The following SV2C variants were observed in gnomAD, a reference collection of about 807,000 sequenced individuals.
SV2C encodes the protein synaptic vesicle glycoprotein 2C.
A neutral mutation model predicts 79.7 loss-of-function variants in SV2C; 49 were observed. The ratio of observed to expected loss-of-function variants is 0.61; its 90% CI spans 0.49 to 0.78. The LOEUF is 0.78. Among genes scored for constraint, SV2C ranks in the 30% least tolerant of loss-of-function variants. The probability of loss-of-function intolerance (pLI) is 0.00; values close to 1 mark genes in which losing one functional copy is unlikely to be tolerated. For missense variants in SV2C, 833 were observed against 912.9 expected (o/e 0.91, Z 1.13); for synonymous variants, 334 against 333.2 (o/e 1.00, Z -0.03).
chr5:76,078,610 C>T (rs914454501), upstream of SV2C: 6 of 387,892 alleles, frequency 1.5e-5, no homozygotes, highest in South Asian at 1.4e-4. Flanking sequence ...GCCCCTACCC[C>T]CTGGCTCCCA....
chr5:76,236,454 C>G (rs997524184), intron 4 of SV2C, among the ~76,000 whole-genome samples: 1 of 151,912 alleles, frequency 6.6e-6, no homozygotes, highest in African/African-American at 2.4e-5. Flanking sequence ...CCCAGCTACT[C>G]GGGAAGCTTA....
intron 4 of SV2C, among the ~76,000 whole-genome samples, chr5:76,279,533 T>C (rs1229803892): frequency 1.3e-5 from 2 of 152,192 alleles, no homozygotes; most frequent in African/African-American, 2.4e-5. Flanking sequence ...AACAGTGGAA[T>C]GGACAGCTAT....
chr5:76,008,758 C>G, the SV2C span, among the ~76,000 whole-genome samples: 1 of 152,134 alleles, frequency 6.6e-6, no homozygotes, highest in East Asian at 1.9e-4. Context: ...TATTTCTGAT[C>G]ATTTCACTTA....
the SV2C span, among the ~76,000 whole-genome samples, chr5:75,968,266 C>G: frequency 4.5e-3 from 680 of 152,310 alleles, 8 homozygotes; most frequent in African/African-American, 0.015. Flanking sequence ...AAAATCAGAG[C>G]GCTTCTCCTC....
the SV2C span, among the ~76,000 whole-genome samples, chr5:75,856,384 G>A: frequency 6.6e-6 from 1 of 152,178 alleles, no homozygotes; most frequent in Non-Finnish European, 1.5e-5. Flanking sequence ...CATAGTGGTT[G>A]TAGTAATTTA....
At chr5:76,299,751 G>A (rs1747917387) in intron 10 of SV2C, among the ~76,000 whole-genome samples, 1 of 152,186 alleles carries the variant, frequency 6.6e-6, no homozygotes, top group South Asian at 2.1e-4. Context: ...TTTGAGCAAT[G>A]CTATCTACCT....
intron 1 of SV2C, among the ~76,000 whole-genome samples, chr5:76,107,566 A>G (rs9293667): frequency 0.33 from 49,901 of 152,156 alleles, 10,681 homozygotes; most frequent in African/African-American, 0.6. Context: ...AGACCCACAA[A>G]AAAGGCAATC....
rs1043978600 is a variant in SV2C, at chr5:76,176,912, G to A, written c.581-18007G>A. On this transcript the variant is annotated intron_variant, in intron 2 of 12. Coordinates refer to ENST00000502798, the MANE Select transcript of SV2C (RefSeq NM_014979.4). The stretch of plus-strand genomic sequence containing the variant: ...GGATGGATCACAAGGTCAGGAGATC[G>A]AGACCATCCTGGCTAACATGATGAA... Among the ~76,000 whole-genome samples, 9 of 152,064 alleles carry A rather than the reference G, an allele frequency of 5.9e-5. No homozygotes were observed. In the South Asian group the frequency reaches 6.2e-4, roughly 10 times the overall value.
chr5:75,954,171 T>TA, the SV2C span, among the ~76,000 whole-genome samples: 1 of 151,962 alleles, frequency 6.6e-6, no homozygotes, highest in South Asian at 2.1e-4. Context: ...CGCACTGCCT[T>TA]ATGCATTCTC....
At chr5:76,169,664 G>T (rs1033234598) in intron 2 of SV2C, among the ~76,000 whole-genome samples, 4 of 152,172 alleles carry the variant, frequency 2.6e-5, no homozygotes, top group Non-Finnish European at 4.4e-5. Flanking sequence ...CCCTTAACTG[G>T]TTCCATCACA....
chr5:76,319,101 G>A (rs913565007), intron 12 of SV2C, among the ~76,000 whole-genome samples: 18 of 152,170 alleles, frequency 1.2e-4, no homozygotes, highest in Non-Finnish European at 2.2e-4. Context: ...ATACAGCTGT[G>A]TCTCTGATGC....
rs1481885496 is a variant in SV2C at position 76,199,367 on chromosome 5, G to A, written c.761+4268G>A. 3.9e-5 allele frequency among the ~76,000 whole-genome samples: 6 copies of A among 152,062 alleles called. No homozygotes were observed. The East Asian group carries it at 7.7e-4, about 20-fold the overall frequency. ...GTGCACATAGGCCCCCGCACTCCAC[G>A]CATTTCCTAGGAGTACAGTACTTGC... On this transcript the variant is annotated intron_variant, in intron 3 of 12. Coordinates refer to ENST00000502798, the MANE Select transcript of SV2C (RefSeq NM_014979.4).
the SV2C span, among the ~76,000 whole-genome samples, chr5:76,038,262 A>T: frequency 6.6e-6 from 1 of 152,212 alleles, no homozygotes; most frequent in Non-Finnish European, 1.5e-5. Context: ...TGTAAACCAA[A>T]TGTTTAAATG....
chr5:76,003,768 G>T, the SV2C span, among the ~76,000 whole-genome samples: 14 of 152,046 alleles, frequency 9.2e-5, no homozygotes, highest in East Asian at 9.7e-4. Flanking sequence ...GGGCCATTTG[G>T]GTTAGGAGGT....
chr5:76,241,930 A>G, intron 4 of SV2C: 1 of 749,884 alleles, frequency 1.3e-6, no homozygotes, highest in Non-Finnish European at 2.3e-6. Context: ...AATAAAATAA[A>G]ACAAAATTCT....
chr5:76,205,796 AT>A (rs1744590974), intron 3 of SV2C, among the ~76,000 whole-genome samples: 2 of 152,092 alleles, frequency 1.3e-5, no homozygotes, highest in African/African-American at 2.4e-5. Context: ...CGCTATTAAT[AT>A]TTTGGACTGG....
chr5:76,192,610 G>C (rs1013226145), intron 2 of SV2C, among the ~76,000 whole-genome samples: 1 of 152,102 alleles, frequency 6.6e-6, no homozygotes, highest in Admixed American at 6.6e-5. Context: ...ATCCCAGAGT[G>C]GTTACAATTA....
At chr5:75,968,571 T>C in the SV2C span, among the ~76,000 whole-genome samples, 1 of 152,052 alleles carries the variant, frequency 6.6e-6, no homozygotes, top group Non-Finnish European at 1.5e-5. Context: ...GAAGAAAGGG[T>C]ATCAGCAATG....
the SV2C span, among the ~76,000 whole-genome samples, chr5:75,899,244 G>A: frequency 6.6e-6 from 1 of 152,282 alleles, no homozygotes; most frequent in South Asian, 2.1e-4. Flanking sequence ...CTTTGAATGT[G>A]TCCCGGAGAT....
Sources: allele counts gnomAD v4.1 joint callset (sites outside exome capture counted in the v4.1 genomes callset), GRCh38; gene constraint gnomAD v4.1.1; transcripts MANE v1.5; gene names NCBI Gene and HGNC (gene_info 2026-07-23, HGNC 2026-07-21).